The following SF3B3 variants were observed in gnomAD, a reference collection of about 807,000 sequenced individuals.
The protein encoded by SF3B3 is splicing factor 3b subunit 3.
In SF3B3, 33 loss-of-function variants were observed where a neutral mutation model predicts 139.2. That is an observed-to-expected ratio of 0.24 (90% CI 0.18 to 0.32). The LOEUF is 0.32. Ranked by LOEUF, SF3B3 falls within the 10% of genes least tolerant of loss-of-function variation. SF3B3 has a pLI of 1.00. For missense variants in SF3B3, 818 were observed against 1,509.4 expected (o/e 0.54, Z 7.59); for synonymous variants, 596 against 563.6 (o/e 1.06, Z -0.81).
intron 10 of SF3B3, among the ~76,000 whole-genome samples, chr16:70,546,795 A>G (rs2050272616): frequency 6.6e-6 from 1 of 152,094 alleles, no homozygotes; most frequent in Non-Finnish European, 1.5e-5. Flanking sequence ...ATATTTTCTG[A>G]GGTGGGCAGA....
At chr16:70,530,669 T>C in intron 3 of SF3B3, 76 bp from the exon 4 acceptor site, 1 of 1,186,124 alleles carries the variant, frequency 8.4e-7, no homozygotes, top group Non-Finnish European at 1.2e-6. Flanking sequence ...AAAAGCATGA[T>C]GTGACTCTAG....
rs1433242236 is a variant in SF3B3 at position 70,576,616 on chromosome 16, TTATGAGGACA to T, written c.*4804_*4813del. The T allele has an allele frequency of 6.6e-6, 1 of 152,160 alleles. No individual in the cohort carries two copies. Among genetic ancestry groups the T allele is most frequent in the African/African-American group, 2.4e-5 (1 of 41,428 alleles). The allele number at this position is 152,160 out of a possible 1,614,324, so 9.4% of individuals were successfully genotyped here. On this transcript the variant is annotated 3_prime_UTR_variant, in exon 26 of 26. Transcript: ENST00000302516. ...TGTGGGTTATTAGGGCCTCCAGCTG[TTATGAGGACA>T]CACTGGGGAATCTCAGCTTTAGGGA... is the stretch of plus-strand genomic sequence containing the variant.
intron 4 of SF3B3, among the ~76,000 whole-genome samples, chr16:70,531,323 T>TGA (rs569285464): frequency 5.9e-5 from 9 of 152,170 alleles, no homozygotes; most frequent in Non-Finnish European, 1.2e-4. Context: ...TTCTTTTTTT[T>TGA]GAGACAGTCT....
At chr16:70,561,577 A>G (rs1485392994) in intron 16 of SF3B3, 53 bp from the exon 17 acceptor site, 3 of 1,548,172 alleles carry the variant, frequency 1.9e-6, no homozygotes, top group South Asian at 1.1e-5. Flanking sequence ...CTTATACCAT[A>G]TTTGTATTTT....
chr16:70,524,015 C>T (rs1485521471), intron 1 of SF3B3, 87 bp downstream of exon 1: 3 of 420,832 alleles, frequency 7.1e-6, no homozygotes, highest in Non-Finnish European at 1.3e-5. Context: ...TGGCGGGGGT[C>T]ACGGGCAGTC....
At chr16:70,537,227 T>C (rs2050177439) in intron 6 of SF3B3, among the ~76,000 whole-genome samples, 1 of 152,256 alleles carries the variant, frequency 6.6e-6, no homozygotes, top group South Asian at 2.1e-4. Context: ...TTCTCCACTA[T>C]GTCACACATT....
Position 70,530,783 on chromosome 16 carries a change from A to G in SF3B3, c.436A>G (p.Arg146Gly). The change falls in exon 4 of 26, where the codon AGA becomes GGA. Residue 146 changes from arginine (R) to glycine (G), a missense_variant. By Grantham distance (125) the Arg-to-Gly change is moderately radical (BLOSUM62 -2). This residue lies in a region of SF3B3 where 144 missense variants were observed against 259.2 expected (regional missense o/e 0.56). Transcript: ENST00000302516. ...ACAGAAATTGGTGTATATTTTGAAC[A>G]GAGATGCTGCAGCCCGACTTACCAT... ...EKQKLVYILN[R>G]DAAARLTISS... The G allele has an allele frequency of 6.2e-7, 1 of 1,613,994 alleles. No homozygotes were observed. Among genetic ancestry groups the G allele is most frequent in the Non-Finnish European group, 8.5e-7 (1 of 1,179,984 alleles).
chr16:70,541,013 AAC>A (rs1038300250), intron 8 of SF3B3, among the ~76,000 whole-genome samples: 4 of 152,162 alleles, frequency 2.6e-5, no homozygotes, highest in African/African-American at 9.7e-5. Context: ...CTTTTTGAGA[AAC>A]CACCAAACTT....
At chr16:70,535,460 A>T (rs1162916249) in intron 6 of SF3B3, 40 bp downstream of exon 6, 1 of 1,225,122 alleles carries the variant, frequency 8.2e-7, no homozygotes, top group African/African-American at 1.5e-5. Flanking sequence ...TTTGTGTTTA[A>T]TTTTTGTGAT....
At chr16:70,532,416 A>G (rs56313425) in intron 4 of SF3B3, 63 bp from the exon 5 acceptor site, 30,984 of 1,445,910 alleles carry the variant, frequency 0.021, 448 homozygotes, top group Non-Finnish European at 0.026. Context: ...TGGAGTCCTG[A>G]TGTCCTTTCC....
chr16:70,561,195 A>G (rs571920873), intron 16 of SF3B3, among the ~76,000 whole-genome samples: 13 of 152,062 alleles, frequency 8.5e-5, no homozygotes, highest in African/African-American at 2.9e-4. Flanking sequence ...TAATTTTTGT[A>G]TTTTTAGTAG....
chr16:70,561,499 C>T, intron 16 of SF3B3, 131 bp from the exon 17 acceptor site: 1 of 759,444 alleles, frequency 1.3e-6, no homozygotes, highest in South Asian at 1.8e-5. Context: ...TTAAGATAGC[C>T]TGTTATATTT....
intron 17 of SF3B3, among the ~76,000 whole-genome samples, chr16:70,562,707 T>C (rs2050440456): frequency 6.6e-6 from 1 of 152,158 alleles, no homozygotes; most frequent in Admixed American, 6.5e-5. Context: ...TCGCTACAGA[T>C]TTTTAGGCTT....
intron 25 of SF3B3, among the ~76,000 whole-genome samples, 175 bp downstream of exon 25, chr16:70,571,374 A>G (rs1281766166): frequency 6.6e-6 from 1 of 152,152 alleles, no homozygotes; most frequent in Admixed American, 6.5e-5. Context: ...TCAACTTAAG[A>G]TAGTGTTCCT....
intron 20 of SF3B3, among the ~76,000 whole-genome samples, chr16:70,566,074 G>C (rs755436162): frequency 6.6e-6 from 1 of 150,654 alleles, no homozygotes; most frequent in Non-Finnish European, 1.5e-5. Context: ...CCGAGATTGC[G>C]CCATTGCACT....
At position 70,571,640 on chromosome 16, in the gene SF3B3, A is replaced by G. The variant is rs1457301705; in HGVS notation, c.3514-33A>G. 4.4e-6 allele frequency: 7 copies of G among 1,587,924 alleles called. No individual in the cohort carries two copies. The Admixed American group carries it at 5.6e-5, about 13-fold the overall frequency. ...TGCCATTTTCTTTGGGCATCTCACC[A>G]TTTTTTTTCTTTCTGCTTTCTCCAT... On this transcript the variant is annotated intron_variant, in intron 25 of 25. Coordinates refer to ENST00000302516, the MANE Select transcript of SF3B3 (RefSeq NM_012426.5).
chr16:70,548,689 A>G (rs1277196424), intron 11 of SF3B3, among the ~76,000 whole-genome samples: 1 of 152,224 alleles, frequency 6.6e-6, no homozygotes, highest in African/African-American at 2.4e-5. Context: ...AGGTTTCAGA[A>G]TCATAGAGCT....
In SF3B3 at chr16:70,571,873, C is replaced by G; in HGVS notation, c.*60C>G. 1 of 1,552,012 alleles carries G rather than the reference C, an allele frequency of 6.4e-7. No homozygotes were observed. The highest frequency in any genetic ancestry group is 8.7e-7 in the Non-Finnish European group (1 of 1,149,174). On this transcript the variant is annotated 3_prime_UTR_variant, in exon 26 of 26. Transcript: ENST00000302516. ...TGTGTTTTGTTTCCCCCACCACCAT[C>G]ACTGCCACCTGGCTTCTGCCATGTG...
rs534840545 is a variant in SF3B3 at position 70,556,018 on chromosome 16, A to T, written c.1711-161A>T. ...TAACTTCAGTCTTGAGAACTCAGGTAGATAAATTCTTGTCATTTACTATAG... is the reference window on the plus strand; with the variant it reads ...TAACTTCAGTCTTGAGAACTCAGGTTGATAAATTCTTGTCATTTACTATAG... On this transcript the variant is annotated intron_variant, in intron 13 of 25. Coordinates refer to ENST00000302516, the MANE Select transcript of SF3B3 (RefSeq NM_012426.5). Among the ~76,000 whole-genome samples, 3 of 152,320 alleles carry T rather than the reference A, an allele frequency of 2.0e-5. No individual in the cohort carries two copies. In the South Asian group the frequency reaches 6.2e-4, roughly 32 times the overall value.
Sources: allele counts gnomAD v4.1 joint callset (sites outside exome capture counted in the v4.1 genomes callset), GRCh38; gene constraint gnomAD v4.1.1; regional missense constraint gnomAD v4.1.1; transcripts MANE v1.5; gene names NCBI Gene and HGNC (gene_info 2026-07-23, HGNC 2026-07-21).